The following PHKA2 variants were observed in gnomAD, a reference collection of about 807,000 sequenced individuals.
PHKA2 encodes the protein phosphorylase b kinase regulatory subunit alpha, liver isoform.
A neutral mutation model predicts 102.0 loss-of-function variants in PHKA2; 31 were observed. The ratio of observed to expected loss-of-function variants is 0.30; its 90% CI spans 0.23 to 0.41. The LOEUF is 0.41. PHKA2 is among the 10% of genes least tolerant of loss of function. The probability of loss-of-function intolerance (pLI) is 1.00; values close to 1 mark genes in which losing one functional copy is unlikely to be tolerated. For synonymous variants in PHKA2, 455 were observed against 416.2 expected (o/e 1.09, Z -1.13); for missense variants, 858 against 1,023.1 (o/e 0.84, Z 2.20).
intron 29 of PHKA2, among the ~76,000 whole-genome samples, 180 bp downstream of exon 29, chrX:18,898,993 C>A (rs777031227): frequency 1.8e-5 from 2 of 112,419 alleles, no homozygotes; most frequent in East Asian, 5.6e-4. Flanking sequence ...AAGCTCAGGG[C>A]AAGCACTTTG....
At chrX:18,939,946 T>C in intron 9 of PHKA2, 49 bp downstream of exon 9, 2 of 851,395 alleles carry the variant, frequency 2.3e-6, no homozygotes, top group Non-Finnish European at 3.5e-6. Flanking sequence ...ATTGGCAACT[T>C]AGAGATGAAA....
chrX:18,893,477 G>A lies in PHKA2; in HGVS notation c.*8C>T. 1 of 1,208,532 alleles carries A rather than the reference G, an allele frequency of 8.3e-7. No individual in the cohort carries two copies. Among genetic ancestry groups the A allele is most frequent in the Non-Finnish European group, 1.1e-6 (1 of 892,675 alleles). Reference sequence around the variant, plus strand: ...ATTGAGAGTGTGATCATGTTTCCAGGTGAGACCCTATTGCATCTGGCAGCC... The same window carrying A: ...ATTGAGAGTGTGATCATGTTTCCAGATGAGACCCTATTGCATCTGGCAGCC... On this transcript the variant is annotated 3_prime_UTR_variant, in exon 33 of 33. Transcript: ENST00000379942.
intron 6 of PHKA2, 50 bp from the exon 7 acceptor site, chrX:18,943,858 C>A (rs2048535278): frequency 1.2e-6 from 1 of 844,803 alleles, no homozygotes; most frequent in African/African-American, 2.0e-5. Flanking sequence ...ACATACACTC[C>A]AATATCTGGT....
chrX:18,975,843 C>T (rs2049081027), intron 1 of PHKA2, among the ~76,000 whole-genome samples: 1 of 110,803 alleles, frequency 9.0e-6, no homozygotes, highest in Admixed American at 9.7e-5. Flanking sequence ...TGGTCCCCTA[C>T]AGTCAATATT....
At chrX:18,963,446 C>A (rs1310686881) in intron 1 of PHKA2, among the ~76,000 whole-genome samples, 1 of 112,305 alleles carries the variant, frequency 8.9e-6, no homozygotes, top group Non-Finnish European at 1.9e-5. Context: ...GAGAATAAAG[C>A]CCACTCAGAG....
At chrX:18,941,379 T>C (rs996102484) in intron 8 of PHKA2, 150 bp downstream of exon 8, 4 of 567,014 alleles carry the variant, frequency 7.1e-6, no homozygotes, top group African/African-American at 2.3e-5. Context: ...CTCGGAGACT[T>C]TGTTTTCTTG....
intron 1 of PHKA2, among the ~76,000 whole-genome samples, chrX:18,978,788 C>A (rs2049129299): frequency 8.9e-6 from 1 of 111,757 alleles, no homozygotes; most frequent in African/African-American, 3.3e-5. Context: ...AAACTCTTAT[C>A]TTAAAAGCTA....
Position 18,906,836 on chromosome X carries a change from C to T in PHKA2, c.2598-22G>A, listed in dbSNP as rs764716208. The T allele has an allele frequency of 1.8e-5, 21 of 1,170,606 alleles. No individual in the cohort carries two copies. In the East Asian group the frequency reaches 3.0e-4, roughly 17 times the overall value. On this transcript the variant is annotated intron_variant, in intron 23 of 32. Transcript: ENST00000379942. Reference sequence around the variant, plus strand: ...GGGCCTAGAAAGGAGCATTGTGTCACGAATGTGATGAGGTGTCTTGAGACA... The same window carrying T: ...GGGCCTAGAAAGGAGCATTGTGTCATGAATGTGATGAGGTGTCTTGAGACA...
chrX:18,961,551 A>C (rs771037201), intron 1 of PHKA2, among the ~76,000 whole-genome samples: 39 of 105,577 alleles, frequency 3.7e-4, no homozygotes, highest in African/African-American at 1.3e-3. Flanking sequence ...CCAGCTACTC[A>C]GGAGGCTGAG....
chrX:18,904,121 A>T (rs1327645910), intron 26 of PHKA2, among the ~76,000 whole-genome samples: 1 of 111,523 alleles, frequency 9.0e-6, no homozygotes, highest in African/African-American at 3.3e-5. Context: ...CAAATAAGGA[A>T]CTTGGGGACA....
At chrX:18,968,914 G>A (rs113006270) in intron 1 of PHKA2, among the ~76,000 whole-genome samples, 2,114 of 111,525 alleles carry the variant, frequency 0.019, 21 homozygotes, top group Middle Eastern at 0.041. Context: ...TCAGGAGTTC[G>A]AGACCAGTCT....
chrX:18,978,105 C>T (rs1040998824), intron 1 of PHKA2, among the ~76,000 whole-genome samples: 2 of 110,541 alleles, frequency 1.8e-5, no homozygotes, highest in South Asian at 3.9e-4. Flanking sequence ...TGCAGTGAGC[C>T]AAGATCATGC....
intron 17 of PHKA2, among the ~76,000 whole-genome samples, chrX:18,921,395 C>T (rs2048119107): frequency 9.0e-6 from 1 of 111,238 alleles, no homozygotes; most frequent in African/African-American, 3.3e-5. Context: ...CACTGTACTC[C>T]AGCCTGGGCG....
At chrX:18,915,472 T>C (rs2048003890) in intron 19 of PHKA2, 2 of 108,441 alleles carry the variant, frequency 1.8e-5, no homozygotes, top group African/African-American at 6.7e-5. Context: ...CCCGGACTCA[T>C]GCGATCCTCC....
intron 13 of PHKA2, among the ~76,000 whole-genome samples, chrX:18,927,403 G>A (rs2048229799): frequency 1.8e-5 from 2 of 112,336 alleles, no homozygotes; most frequent in African/African-American, 6.5e-5. Context: ...GTACAGGGAT[G>A]GGACTGGAAA....
At position 18,966,088 on chromosome X, in the gene PHKA2, TTTTG is replaced by T. The variant is rs1319535804; in HGVS notation, c.79-11680_79-11677del. Among the ~76,000 whole-genome samples the T allele has an allele frequency of 3.3e-3, 347 of 104,155 alleles. 7 individuals carry two copies. Among genetic ancestry groups the T allele is most frequent in the African/African-American group, 0.012 (321 of 27,117 alleles). 90.4% of individuals were successfully genotyped at this position (104,155 alleles called of 115,157 possible). A position where few individuals can be genotyped will look rare whatever the true frequency, so the allele number is the denominator to read the frequency against. ...CTTGGTGGTGGCTCTTTTGTTTTTT[TTTTG>T]TTTTTTTTTTTTTGAGATGGAGTCT... On this transcript the variant is annotated intron_variant, in intron 1 of 32. Coordinates refer to ENST00000379942, the MANE Select transcript of PHKA2 (RefSeq NM_000292.3).
In PHKA2 at chrX:18,961,659, C is replaced by CAA. The variant is rs1290808888; in HGVS notation, c.79-7249_79-7248dup. Among the ~76,000 whole-genome samples the CAA allele has an allele frequency of 2.3e-3, 56 of 24,748 alleles. 1 individual carries two copies. Among genetic ancestry groups the CAA allele is most frequent in the African/African-American group, 4.3e-3 (31 of 7,270 alleles). 21.5% of individuals were successfully genotyped at this position (24,748 alleles called of 115,157 possible). On this transcript the variant is annotated intron_variant, in intron 1 of 32. Coordinates refer to ENST00000379942, the MANE Select transcript of PHKA2 (RefSeq NM_000292.3). Reference sequence around the variant, plus strand: ...CGGGTAACAGCGCAAGACTCCATCTCAAAAAAAAAAAAAAAAAAAAAGCTC... The same window carrying CAA: ...CGGGTAACAGCGCAAGACTCCATCTCAAAAAAAAAAAAAAAAAAAAAAAGCTC...
intron 1 of PHKA2, among the ~76,000 whole-genome samples, chrX:18,978,907 A>T (rs1021861395): frequency 8.1e-5 from 9 of 110,697 alleles, no homozygotes; most frequent in Non-Finnish European, 1.7e-4. Flanking sequence ...TGGGAGGCTG[A>T]GGCAGGTGGA....
chrX:18,948,464 ACT>A (rs2048622706), intron 5 of PHKA2, among the ~76,000 whole-genome samples: 1 of 111,886 alleles, frequency 8.9e-6, no homozygotes, highest in Admixed American at 9.5e-5. Flanking sequence ...ACAGAGCGAG[ACT>A]CTGTTTAAAA....
Sources: allele counts gnomAD v4.1 joint callset (sites outside exome capture counted in the v4.1 genomes callset), GRCh38; gene constraint gnomAD v4.1.1; transcripts MANE v1.5; gene names NCBI Gene and HGNC (gene_info 2026-07-23, HGNC 2026-07-21).